AP3B2: variants seen among roughly 807,000 people sequenced by gnomAD.
AP3B2 encodes adaptor related protein complex 3 subunit beta 2, also known as AP-3 complex subunit beta-2.
AP3B2 carries 50 observed loss-of-function variants against 126.9 expected under a neutral mutation model. The observed-to-expected ratio is 0.39, with a 90% CI of 0.31 to 0.50. The LOEUF is 0.50. AP3B2 is among the 20% of genes least tolerant of loss of function. AP3B2 has a pLI of 0.79. For missense variants in AP3B2, 1,177 were observed against 1,426.4 expected, an observed-to-expected ratio of 0.83 and a Z score of 2.82; for synonymous variants, 541 against 565.0, an observed-to-expected ratio of 0.96 and a Z score of 0.60.
rs2048853901 is a variant in AP3B2, at chr15:82,709,735, G to A, written c.-29C>T. 1 of 1,443,198 alleles carries A rather than the reference G, an allele frequency of 6.9e-7. No homozygotes were observed. Among genetic ancestry groups the A allele is most frequent in the Non-Finnish European group, 9.2e-7 (1 of 1,092,864 alleles). 89.4% of individuals were successfully genotyped at this position (1,443,198 alleles called of 1,614,324 possible). On this transcript the variant is annotated 5_prime_UTR_variant, in exon 1 of 27. Coordinates refer to ENST00000535359, the MANE Select transcript of AP3B2 (RefSeq NM_001278512.2). ...GCGGCCAGGGAGACTTCGCCGAGGA[G>A]GAGGTTGCGGGGCCGGAGGCCGGCT... is the stretch of plus-strand genomic sequence containing the variant.
chr15:82,673,888 C>G (rs1157214722), intron 14 of AP3B2, among the ~76,000 whole-genome samples: 1 of 152,156 alleles, frequency 6.6e-6, no homozygotes, highest in Non-Finnish European at 1.5e-5. Flanking sequence ...CCACTGTGCC[C>G]CTGGCAGACC....
chr15:82,665,413 A>G lies in AP3B2; in HGVS notation c.1971+44T>C, dbSNP rs1293521194. 2.6e-6 allele frequency: 2 copies of G among 774,560 alleles called. No individual in the cohort carries two copies. The highest frequency in any genetic ancestry group is 3.9e-6 in the Non-Finnish European group (2 of 506,376). 48.0% of individuals were successfully genotyped at this position (774,560 alleles called of 1,614,324 possible). A position where few individuals can be genotyped will look rare whatever the true frequency, so the allele number is the denominator to read the frequency against. ...CACACACACACACACACACACACAC[A>G]CACACACACACACACACACACTTCA... On this transcript the variant is annotated intron_variant, in intron 16 of 26. Transcript: ENST00000535359. This position sits in a 1 kb window ranked among gnomAD's most constrained non-coding sequence, Gnocchi z 4.4.
chr15:82,664,342 G>C lies in AP3B2; in HGVS notation c.2261+25C>G, dbSNP rs1240677846. ...CAGGAAAGCCCCCTGAACCCCACCA[G>C]CCATCTGGCTAGCTCCCTTCTCACC... On this transcript the variant is annotated intron_variant, in intron 19 of 26. Transcript: ENST00000535359. The surrounding 1 kb of genome is among the most constrained non-coding windows in gnomAD (Gnocchi z 4.5). 6.2e-7 allele frequency: 1 copy of C among 1,613,324 alleles called. No individual in the cohort carries two copies. The highest frequency in any genetic ancestry group is 1.3e-5 in the African/African-American group (1 of 74,890).
chr15:82,663,335 C>CG, intron 21 of AP3B2, 102 bp from the exon 22 acceptor site: 1 of 1,063,440 alleles, frequency 9.4e-7, no homozygotes, highest in African/African-American at 1.6e-5. Context: ...CCATGGACAG[C>CG]GGGGCACATG....
chr15:82,664,066 G>T lies in AP3B2; in HGVS notation c.2262-91C>A, dbSNP rs985586325. 93 of 1,490,582 alleles carry T rather than the reference G, an allele frequency of 6.2e-5. No homozygotes were observed. The South Asian group carries it at 8.8e-4, about 14-fold the overall frequency. The allele number at this position is 1,490,582 out of a possible 1,614,324, so 92.3% of individuals were successfully genotyped here. On this transcript the variant is annotated intron_variant, in intron 19 of 26. Coordinates refer to ENST00000535359, the MANE Select transcript of AP3B2 (RefSeq NM_001278512.2). This position sits in a 1 kb window ranked among gnomAD's most constrained non-coding sequence, Gnocchi z 4.5. ...GGAGAAATGCTGAAAAGCTGGAGTG[G>T]TGTGGGGAGCCTGAGCCAGGAGGGT...
At position 82,674,014 on chromosome 15, in the gene AP3B2, C is replaced by T. The variant is rs557907977; in HGVS notation, c.1665+2447G>A. Among the ~76,000 whole-genome samples the T allele has an allele frequency of 2.9e-4, 44 of 152,264 alleles. No individual in the cohort carries two copies. In the South Asian group the frequency reaches 8.9e-3, roughly 31 times the overall value. On this transcript the variant is annotated intron_variant, in intron 14 of 26. Coordinates refer to ENST00000535359, the MANE Select transcript of AP3B2 (RefSeq NM_001278512.2). ...ACTTTGATTACCAACCCCCCCATCC[C>T]CCGCCACCTGCATGTTATGCCTTTG... is the stretch of plus-strand genomic sequence containing the variant.
At position 82,680,701 on chromosome 15, in the gene AP3B2, C is replaced by G; in HGVS notation, c.826G>C (p.Glu276Gln). 6.4e-7 allele frequency: 1 copy of G among 1,568,894 alleles called. No homozygotes were observed. Among genetic ancestry groups the G allele is most frequent in the Non-Finnish European group, 8.6e-7 (1 of 1,161,544 alleles). Residue 276 changes from glutamate (E) to glutamine (Q), a missense_variant, in exon 8 of 27, where the codon GAG becomes CAG. By Grantham distance (29) the Glu-to-Gln change is conservative. Coordinates refer to ENST00000535359, the MANE Select transcript of AP3B2 (RefSeq NM_001278512.2). This position sits in a 1 kb window ranked among gnomAD's most constrained non-coding sequence, Gnocchi z 6.1. ...EKAFYGSEEDEAKGAGSEETA... is the reference protein window; with the variant it reads ...EKAFYGSEEDQAKGAGSEETA... ...TCCTCAGACCCCGCGCCCTTGGCCT[C>G]GTCCTCCTCTGAGCCGTAGAAGGCT... is the stretch of plus-strand genomic sequence containing the variant.
At chr15:82,709,336 C>T (rs1331900089) in intron 1 of AP3B2, among the ~76,000 whole-genome samples, 1 of 152,160 alleles carries the variant, frequency 6.6e-6, no homozygotes, top group African/African-American at 2.4e-5. Context: ...GGTTTCTCCT[C>T]TCGAAACTGA....
chr15:82,698,262 C>T (rs1239221251), intron 1 of AP3B2, among the ~76,000 whole-genome samples: 1 of 151,892 alleles, frequency 6.6e-6, no homozygotes, highest in Non-Finnish European at 1.5e-5. Context: ...CCCCCACATA[C>T]AGACACCTCC....
chr15:82,707,304 C>T (rs141976159), intron 1 of AP3B2, among the ~76,000 whole-genome samples: 6,159 of 152,268 alleles, frequency 0.04, 175 homozygotes, highest in Middle Eastern at 0.095. Flanking sequence ...ATACTTTTAC[C>T]ACTTGCCCTT....
chr15:82,692,426 C>T, intron 1 of AP3B2: 1 of 428,194 alleles, frequency 2.3e-6, no homozygotes, highest in South Asian at 3.0e-5. Flanking sequence ...AGGCGCTCAG[C>T]CGCACTGCAC....
In AP3B2 at chr15:82,664,925, A is replaced by C. The variant is rs1181906403; in HGVS notation, c.2047T>G (p.Cys683Gly). Residue 683 changes from cysteine to glycine, a missense_variant, in exon 18 of 27, where the codon TGC becomes GGC. By Grantham distance (159) the Cys-to-Gly change is radical (BLOSUM62 -3). Coordinates refer to ENST00000535359, the MANE Select transcript of AP3B2 (RefSeq NM_001278512.2). This position sits in a 1 kb window ranked among gnomAD's most constrained non-coding sequence, Gnocchi z 4.5. ...EYTEVPEWTKCSNREKRKEKE... is the reference protein window; with the variant it reads ...EYTEVPEWTKGSNREKRKEKE... ...TCCTTTCTCTTCTCCCGATTTGAGC[A>C]CTTGGTCCATTCAGGTACCTGGAGA... is the stretch of plus-strand genomic sequence containing the variant. 4.4e-6 allele frequency: 7 copies of C among 1,608,182 alleles called. No individual in the cohort carries two copies. The highest frequency in any genetic ancestry group is 3.3e-4 in the Middle Eastern group (2 of 6,060).
intron 4 of AP3B2, chr15:82,688,253 G>A: frequency 1.7e-6 from 1 of 593,002 alleles, no homozygotes; most frequent in Non-Finnish European, 3.0e-6. Context: ...CCTTAGGGGG[G>A]AGACTTATAC....
intron 14 of AP3B2, among the ~76,000 whole-genome samples, chr15:82,674,388 T>C (rs564276647): frequency 1.3e-5 from 2 of 152,206 alleles, no homozygotes; most frequent in African/African-American, 4.8e-5. Flanking sequence ...CAAATAACCA[T>C]TCTAAGGGGC....
At chr15:82,666,677 T>C (rs1404217472) in intron 15 of AP3B2, 70 bp downstream of exon 15, 21 of 1,521,466 alleles carry the variant, frequency 1.4e-5, no homozygotes, top group African/African-American at 5.5e-5. Flanking sequence ...CTCAGGAAGG[T>C]CTGGGGCAGA....
chr15:82,680,442 G>A lies in AP3B2; in HGVS notation c.1055+30C>T, dbSNP rs1271889910. 6.9e-6 allele frequency: 10 copies of A among 1,454,526 alleles called. No individual in the cohort carries two copies. The East Asian group carries it at 1.8e-4, about 26-fold the overall frequency. 90.1% of individuals were successfully genotyped at this position (1,454,526 alleles called of 1,614,324 possible). A position where few individuals can be genotyped will look rare whatever the true frequency, so the allele number is the denominator to read the frequency against. ...CCCGTGGGGCGGGGCAGGAGGCGAGGGAGGGGGCGGGGCTGGGGGCGGAGC... is the reference window on the plus strand; with the variant it reads ...CCCGTGGGGCGGGGCAGGAGGCGAGAGAGGGGGCGGGGCTGGGGGCGGAGC... On this transcript the variant is annotated intron_variant, in intron 8 of 26. Transcript: ENST00000535359. The surrounding 1 kb of genome is among the most constrained non-coding windows in gnomAD (Gnocchi z 6.1).
At chr15:82,683,208 G>A (rs568894472) in intron 4 of AP3B2, among the ~76,000 whole-genome samples, 5 of 140,310 alleles carry the variant, frequency 3.6e-5, no homozygotes, top group African/African-American at 1.0e-4. Context: ...ACAGGTGCCC[G>A]CCACCATGCC....
At position 82,709,854 on chromosome 15, in the gene AP3B2, G is replaced by A. The variant is rs1329656664; in HGVS notation, c.-148C>T. 3.7e-5 allele frequency: 20 copies of A among 535,890 alleles called. No individual in the cohort carries two copies. Among genetic ancestry groups the A allele is most frequent in the Middle Eastern group, 5.4e-4 (1 of 1,868 alleles). The allele number at this position is 535,890 out of a possible 1,614,324, so 33.2% of individuals were successfully genotyped here. On this transcript the variant is annotated 5_prime_UTR_variant, in exon 1 of 27. Coordinates refer to ENST00000535359, the MANE Select transcript of AP3B2 (RefSeq NM_001278512.2). ...AGCAGAGGCTGCAGTGTGCAGCGGC[G>A]GAGGCTGCGCGCGGATTTCTCAATC...
intron 1 of AP3B2, among the ~76,000 whole-genome samples, chr15:82,695,251 C>G (rs2048614830): frequency 6.6e-6 from 1 of 152,016 alleles, no homozygotes; most frequent in African/African-American, 2.4e-5. Flanking sequence ...AGTTGCCCAC[C>G]ACCACACCTG....
Sources: allele counts gnomAD v4.1 joint callset (sites outside exome capture counted in the v4.1 genomes callset), GRCh38; gene constraint gnomAD v4.1.1; non-coding constraint Gnocchi (gnomAD v3.1); transcripts MANE v1.5; gene names NCBI Gene and HGNC (gene_info 2026-07-23, HGNC 2026-07-21).